Variants in SGCZ observed in about 807,000 individuals in gnomAD.
The protein encoded by SGCZ is zeta-sarcoglycan.
SGCZ carries 40 observed loss-of-function variants against 41.3 expected under a neutral mutation model. That is an observed-to-expected ratio of 0.97 (90% CI 0.75 to 1.26). The LOEUF (loss-of-function observed/expected upper bound fraction) is 1.26, where lower values mean the gene tolerates loss of function less well. Ranked by LOEUF, SGCZ falls within the 50% of genes most tolerant of loss-of-function variation. The pLI is 0.00. For synonymous variants in SGCZ, 206 were observed against 137.5 expected (o/e 1.50, Z -3.49); for missense variants, 552 against 369.8 (o/e 1.49, Z -4.04).
At chr8:15,108,901 C>G (rs1806938036) in intron 1 of SGCZ, among the ~76,000 whole-genome samples, 1 of 152,084 alleles carries the variant, frequency 6.6e-6, no homozygotes, top group Admixed American at 6.5e-5. Flanking sequence ...GTGACAGATA[C>G]AGGTTATCCT....
chr8:14,929,207 G>A (rs1226712494), intron 1 of SGCZ, among the ~76,000 whole-genome samples: 7 of 152,044 alleles, frequency 4.6e-5, no homozygotes, highest in African/African-American at 1.2e-4. Flanking sequence ...TGGCCAGGCT[G>A]GTCTCGAACT....
At chr8:14,445,458 G>A (rs1369460895) in intron 2 of SGCZ, among the ~76,000 whole-genome samples, 1 of 152,050 alleles carries the variant, frequency 6.6e-6, no homozygotes, top group Non-Finnish European at 1.5e-5. Flanking sequence ...TGGGGAAGAG[G>A]GATGATTTAA....
intron 1 of SGCZ, among the ~76,000 whole-genome samples, chr8:14,582,598 G>A (rs1181560582): frequency 6.7e-6 from 1 of 148,942 alleles, no homozygotes; most frequent in Non-Finnish European, 1.5e-5. Flanking sequence ...CCATGCTGGT[G>A]TGCTGCCCAT....
chr8:15,199,105 A>G (rs530042537), intron 1 of SGCZ, among the ~76,000 whole-genome samples: 145 of 152,340 alleles, frequency 9.5e-4, no homozygotes, highest in African/African-American at 3.4e-3. Flanking sequence ...AATTTTTAGG[A>G]ACATCAACTT....
intron 1 of SGCZ, among the ~76,000 whole-genome samples, chr8:14,662,142 C>CTG (rs1807774484): frequency 1.4e-5 from 1 of 71,324 alleles, no homozygotes; most frequent in African/African-American, 1.8e-4. Context: ...TGTAATACTA[C>CTG]TCTCTCCCCT....
chr8:14,845,458 GAC>G (rs1803068069), intron 1 of SGCZ, among the ~76,000 whole-genome samples: 1 of 152,042 alleles, frequency 6.6e-6, no homozygotes, highest in Admixed American at 6.6e-5. Context: ...AATATTATCA[GAC>G]ACACACAAGC....
intron 1 of SGCZ, among the ~76,000 whole-genome samples, chr8:14,839,371 C>G (rs547706964): frequency 1.2e-3 from 181 of 152,076 alleles, no homozygotes; most frequent in Non-Finnish European, 1.6e-3. Context: ...TACATGAGAA[C>G]CTGTGTTAGG....
chr8:14,960,007 C>T (rs1800913413), intron 1 of SGCZ, among the ~76,000 whole-genome samples: 1 of 152,162 alleles, frequency 6.6e-6, no homozygotes, highest in South Asian at 2.1e-4. Flanking sequence ...CATTTCAATA[C>T]TCTAGTTTTA....
intron 1 of SGCZ, among the ~76,000 whole-genome samples, chr8:15,048,669 A>T (rs1433868824): frequency 2.0e-5 from 3 of 152,140 alleles, no homozygotes; most frequent in African/African-American, 4.8e-5. Context: ...TGGGATCAAA[A>T]TTTAAACTGA....
intron 1 of SGCZ, among the ~76,000 whole-genome samples, chr8:14,906,434 C>G (rs879937517): frequency 6.6e-6 from 1 of 152,144 alleles, no homozygotes; most frequent in Non-Finnish European, 1.5e-5. Context: ...TCTTAAACCA[C>G]GCTCTGGAAA....
chr8:14,210,879 T>C (rs1805782827), intron 4 of SGCZ, among the ~76,000 whole-genome samples: 2 of 152,206 alleles, frequency 1.3e-5, no homozygotes, highest in South Asian at 2.1e-4. Flanking sequence ...GCCTAGACCA[T>C]TGCAATAATC....
At chr8:14,428,591 G>T (rs986257320) in intron 2 of SGCZ, among the ~76,000 whole-genome samples, 4 of 152,140 alleles carry the variant, frequency 2.6e-5, no homozygotes, top group Non-Finnish European at 2.9e-5. Context: ...CTACTGATCC[G>T]TGAAAGTTTA....
At position 14,667,574 on chromosome 8, in the gene SGCZ, AT is replaced by A. The variant is rs556582854; in HGVS notation, c.40-112649del. Among the ~76,000 whole-genome samples the A allele has an allele frequency of 6.3e-3, 954 of 152,324 alleles. 6 individuals carry two copies. Among genetic ancestry groups the A allele is most frequent in the Non-Finnish European group, 7.4e-3 (506 of 68,026 alleles). On this transcript the variant is annotated intron_variant, in intron 1 of 7. Coordinates refer to ENST00000382080, the MANE Select transcript of SGCZ (RefSeq NM_139167.4). ...TTATGAAGTACCAAACTATAAAAAA[AT>A]ATAACACTCTCTTTCTGAAGCCAAA...
intron 2 of SGCZ, among the ~76,000 whole-genome samples, chr8:14,460,093 T>G (rs145184454): frequency 1.3e-5 from 2 of 152,294 alleles, no homozygotes; most frequent in East Asian, 3.9e-4. Context: ...TTTTGCTAAA[T>G]GTATTTTGAT....
chr8:14,962,784 G>C (rs1041440712), intron 1 of SGCZ, among the ~76,000 whole-genome samples: 4 of 152,206 alleles, frequency 2.6e-5, no homozygotes, highest in African/African-American at 7.2e-5. Context: ...ACTTGGGCAA[G>C]TGTCCCGCAT....
intron 4 of SGCZ, among the ~76,000 whole-genome samples, chr8:14,201,547 T>C (rs531484611): frequency 4.6e-5 from 7 of 152,266 alleles, no homozygotes; most frequent in South Asian, 4.1e-4. Flanking sequence ...TATTGTGTGA[T>C]TGTATTTATG....
At chr8:14,228,472 T>G (rs531680265) in intron 4 of SGCZ, among the ~76,000 whole-genome samples, 66 of 152,232 alleles carry the variant, frequency 4.3e-4, no homozygotes, top group African/African-American at 1.5e-3. Context: ...ATATTAAAAT[T>G]CAAACACTAG....
At chr8:14,751,229 T>C (rs1321535326) in intron 1 of SGCZ, among the ~76,000 whole-genome samples, 2 of 152,190 alleles carry the variant, frequency 1.3e-5, no homozygotes. Flanking sequence ...ACACAGTCTC[T>C]CTGACCAGTT....
intron 1 of SGCZ, among the ~76,000 whole-genome samples, chr8:14,580,317 T>C (rs1804846221): frequency 6.6e-6 from 1 of 152,258 alleles, no homozygotes; most frequent in Non-Finnish European, 1.5e-5. Flanking sequence ...ATTTCTACTC[T>C]GATTTTTCAG....
Sources: gnomAD v4.1 joint callset for allele counts (sites outside exome capture counted in the v4.1 genomes callset) on GRCh38, gnomAD v4.1.1 for gene constraint, MANE v1.5 for transcripts, NCBI Gene and HGNC (gene_info 2026-07-23, HGNC 2026-07-21) for gene names.